The following LMOD3 variants were observed in gnomAD, a reference collection of about 807,000 sequenced individuals.
LMOD3 encodes the protein leiomodin 3, also known as leiomodin-3.
Under a neutral mutation model 41.8 loss-of-function variants are expected in LMOD3, and 31 were observed. The ratio of observed to expected loss-of-function variants is 0.74; its 90% confidence interval spans 0.56 to 1.00. The LOEUF (loss-of-function observed/expected upper bound fraction) is 1.00. Among genes scored for constraint, LMOD3 ranks in the 50% least tolerant of loss-of-function variants. The pLI, the probability that LMOD3 is intolerant of heterozygous loss-of-function variation, is 0.00. For missense variants in LMOD3, 755 were observed against 679.5 expected, an observed-to-expected ratio of 1.11 and a Z score of -1.23; for synonymous variants, 292 against 241.9, an observed-to-expected ratio of 1.21 and a Z score of -1.92.
Position 69,119,724 on chromosome 3 carries a change from T to G in LMOD3, c.631A>C (p.Lys211Gln). 6.2e-7 allele frequency: 1 copy of G among 1,613,974 alleles called. No homozygotes were observed. The highest frequency in any genetic ancestry group is 1.3e-5 in the African/African-American group (1 of 75,064). The change falls in exon 2 of 3, where the codon AAA becomes CAA. Residue 211 changes from lysine (K) to glutamine (Q), a missense_variant. Physicochemically the swap from Lys to Gln is moderately conservative, Grantham distance 53 (BLOSUM62 1). Coordinates refer to ENST00000420581, the MANE Select transcript of LMOD3 (RefSeq NM_198271.5). ...DRPEAQEQSE[K>Q]KISKLDPKKL... ...TTAGGATCTAATTTCGATATTTTTT[T>G]CTCACTTTGTTCTTGGGCCTCTGGT...
chr3:69,118,455 C>A (rs1041002332), intron 2 of LMOD3, among the ~76,000 whole-genome samples: 1 of 152,040 alleles, frequency 6.6e-6, no homozygotes, highest in African/African-American at 2.4e-5. Context: ...AGTAAATGCT[C>A]CCTAAATGTT....
chr3:69,119,790 G>C lies in LMOD3; in HGVS notation c.565C>G (p.Gln189Glu). Residue 189 changes from glutamine (Q) to glutamate (E), a missense_variant, in exon 2 of 3, where the codon CAG becomes GAG. Coordinates refer to ENST00000420581, the MANE Select transcript of LMOD3 (RefSeq NM_198271.5). ...EQIRNCENNC[Q>E]QVTDKAFKEQ... ...TTGAATGCTTTGTCAGTTACCTGCT[G>C]GCAGTTGTTCTCACAATTTCTAATT... is the stretch of plus-strand genomic sequence containing the variant. The C allele has an allele frequency of 6.2e-7, 1 of 1,608,692 alleles. No individual in the cohort carries two copies.
intron 2 of LMOD3, among the ~76,000 whole-genome samples, chr3:69,117,833 G>GTT (rs374336943): frequency 9.2e-4 from 122 of 132,126 alleles, no homozygotes; most frequent in East Asian, 1.8e-3. Flanking sequence ...AATTTGGGTG[G>GTT]TTTTTTTTTT....
At chr3:69,112,780 C>T (rs2092355542) in intron 2 of LMOD3, among the ~76,000 whole-genome samples, 1 of 152,064 alleles carries the variant, frequency 6.6e-6, no homozygotes, top group Non-Finnish European at 1.5e-5. Context: ...ATATTTAGGC[C>T]CCATCCAAGA....
intron 2 of LMOD3, among the ~76,000 whole-genome samples, chr3:69,114,426 A>G (rs2092362329): frequency 6.6e-6 from 1 of 151,742 alleles, no homozygotes; most frequent in Non-Finnish European, 1.5e-5. Context: ...CAAAGCAAGT[A>G]TATGGATTTT....
In LMOD3 at chr3:69,106,435, A is replaced by C. The variant is rs1321472320; in HGVS notation, c.*2660T>G. On this transcript the variant is annotated 3_prime_UTR_variant, in exon 3 of 3. Transcript: ENST00000420581. ...AATAACAGAAAAATGTAACATATAAATGTTGTAAATTATGATTACATTTAA... is the reference window on the plus strand; with the variant it reads ...AATAACAGAAAAATGTAACATATAACTGTTGTAAATTATGATTACATTTAA... Among the ~76,000 whole-genome samples, 1 of 152,222 alleles carries C rather than the reference A, an allele frequency of 6.6e-6. No individual in the cohort carries two copies. Among genetic ancestry groups the C allele is most frequent in the Non-Finnish European group, 1.5e-5 (1 of 68,038 alleles).
At chr3:69,113,249 G>A (rs2092357521) in intron 2 of LMOD3, among the ~76,000 whole-genome samples, 1 of 152,132 alleles carries the variant, frequency 6.6e-6, no homozygotes, top group South Asian at 2.1e-4. Flanking sequence ...CTAAAAATGA[G>A]CAGCTTGGTT....
chr3:69,118,185 G>A (rs1053984376), intron 2 of LMOD3, among the ~76,000 whole-genome samples: 1 of 152,216 alleles, frequency 6.6e-6, no homozygotes, highest in Non-Finnish European at 1.5e-5. Flanking sequence ...CTGAGTGTCA[G>A]CTCCATTGTG....
In LMOD3 at chr3:69,119,907, C is replaced by T. The variant is rs766553118; in HGVS notation, c.448G>A (p.Glu150Lys). The change falls in exon 2 of 3, where the codon GAA becomes AAA. Residue 150 changes from glutamate (E) to lysine (K), a missense_variant. Glu to Lys is a moderately conservative substitution (Grantham distance 56). Transcript: ENST00000420581. ...IQETDEEDEEEEDDDDDDEGE... is the reference protein window; with the variant it reads ...IQETDEEDEEKEDDDDDDEGE... Reference sequence around the variant, plus strand: ...TCGTCGTCATCATCATCATCTTCTTCTTCTTCATCTTCTTCATCTGTTTCT... The same window carrying T: ...TCGTCGTCATCATCATCATCTTCTTTTTCTTCATCTTCTTCATCTGTTTCT... 9 of 1,511,038 alleles carry T rather than the reference C, an allele frequency of 6.0e-6. No individual in the cohort carries two copies. The allele number at this position is 1,511,038 out of a possible 1,614,324, so 93.6% of individuals were successfully genotyped here. A position where few individuals can be genotyped will look rare whatever the true frequency, so the allele number is the denominator to read the frequency against.
intron 2 of LMOD3, among the ~76,000 whole-genome samples, chr3:69,113,873 G>A (rs1475929834): frequency 1.3e-5 from 2 of 152,172 alleles, no homozygotes; most frequent in African/African-American, 2.4e-5. Flanking sequence ...CATTTGTCAG[G>A]GAGGGATAGG....
At position 69,119,890 on chromosome 3, in the gene LMOD3, A is replaced by G. The variant is rs2092399175; in HGVS notation, c.465T>C (p.Asp155=). The stretch of plus-strand genomic sequence containing the variant: ...CACCATCATCTTCTCCTTCGTCGTC[A>G]TCATCATCATCTTCTTCTTCTTCAT... ...EEDEEEEDDD[D]DDEGEDDGEE... is the part of the protein sequence containing the mutation. Residue 155 remains aspartate (D), a synonymous_variant, in exon 2 of 3, where the codon GAT becomes GAC. Transcript: ENST00000420581. The G allele has an allele frequency of 2.0e-6, 3 of 1,513,156 alleles. No individual in the cohort carries two copies. Among genetic ancestry groups the G allele is most frequent in the East Asian group, 2.4e-5 (1 of 41,066 alleles). The allele number at this position is 1,513,156 out of a possible 1,614,324, so 93.7% of individuals were successfully genotyped here. A position where few individuals can be genotyped will look rare whatever the true frequency, so the allele number is the denominator to read the frequency against.
chr3:69,119,023 C>A lies in LMOD3; in HGVS notation c.1332G>T (p.Gln444His), dbSNP rs765589286. ...GAGGTGGCGGTGGCTGGAAGAATTC[C>A]TGCATTCTGGAATCTGGCTTGGGTC... ...LGGPKPDSRMQEFFQPPPPRP... is the reference protein window; with the variant it reads ...LGGPKPDSRMHEFFQPPPPRP... Residue 444 changes from glutamine to histidine, a missense_variant, in exon 2 of 3, where the codon CAG (glutamine) becomes CAT (histidine). Gln to His is a conservative substitution (Grantham distance 24). Transcript: ENST00000420581. 1 of 1,613,596 alleles carries A rather than the reference C, an allele frequency of 6.2e-7. No individual in the cohort carries two copies. The highest frequency in any genetic ancestry group is 8.5e-7 in the Non-Finnish European group (1 of 1,179,810).
At position 69,119,522 on chromosome 3, in the gene LMOD3, A is replaced by C. The variant is rs1240551051; in HGVS notation, c.833T>G (p.Met278Arg). 2 of 1,613,768 alleles carry C rather than the reference A, an allele frequency of 1.2e-6. No homozygotes were observed. Among genetic ancestry groups the C allele is most frequent in the African/African-American group, 2.7e-5 (2 of 74,886 alleles). Residue 278 changes from methionine (M) to arginine (R), a missense_variant, in exon 2 of 3, where the codon ATG becomes AGG. Physicochemically the swap from Met to Arg is moderately conservative, Grantham distance 91. Coordinates refer to ENST00000420581, the MANE Select transcript of LMOD3 (RefSeq NM_198271.5). ...TGTTTTGATGTGCTTGTTTTTCTTC[A>C]TTGCATTGACAAAGTCCAGTAACAT... ...KEMLLDFVNAMKKNKHIKTFS... is the reference protein window; with the variant it reads ...KEMLLDFVNARKKNKHIKTFS...
intron 2 of LMOD3, among the ~76,000 whole-genome samples, chr3:69,114,458 C>G (rs1334613048): frequency 6.6e-6 from 1 of 152,078 alleles, no homozygotes; most frequent in Non-Finnish European, 1.5e-5. Flanking sequence ...TTGCCAGCAA[C>G]TTCATTTCAG....
At chr3:69,110,853 A>AAAAAAT (rs1458630453) in intron 2 of LMOD3, among the ~76,000 whole-genome samples, 42 of 104,120 alleles carry the variant, frequency 4.0e-4, no homozygotes, top group Non-Finnish European at 5.3e-4. Flanking sequence ...AAAAAAAAAA[A>AAAAAAT]ATATATATAT....
chr3:69,115,821 C>T (rs1311803540), intron 2 of LMOD3, among the ~76,000 whole-genome samples: 1 of 152,110 alleles, frequency 6.6e-6, no homozygotes, highest in Non-Finnish European at 1.5e-5. Flanking sequence ...TGGGACATTT[C>T]AACAGCTCTG....
rs2092331416 is a variant in LMOD3 at position 69,108,177 on chromosome 3, C to T, written c.*918G>A. 1 of 152,022 alleles carries T rather than the reference C, an allele frequency of 6.6e-6. No homozygotes were observed. Among genetic ancestry groups the T allele is most frequent in the African/African-American group, 2.4e-5 (1 of 41,376 alleles). The allele number at this position is 152,022 out of a possible 1,614,324, so 9.4% of individuals were successfully genotyped here. On this transcript the variant is annotated 3_prime_UTR_variant, in exon 3 of 3. Transcript: ENST00000420581. ...TTAATCCTTCCTGTAAGCAAGTTTC[C>T]TTTAAAATATGTTTGAGAGTGATAA...
At chr3:69,116,460 C>T (rs1318231815) in intron 2 of LMOD3, among the ~76,000 whole-genome samples, 1 of 152,178 alleles carries the variant, frequency 6.6e-6, no homozygotes, top group Non-Finnish European at 1.5e-5. Flanking sequence ...CACTTTGCGG[C>T]ATGTTTTTCT....
chr3:69,110,860 A>G (rs1490904146), intron 2 of LMOD3, among the ~76,000 whole-genome samples: 2 of 133,370 alleles, frequency 1.5e-5, no homozygotes, highest in African/African-American at 3.0e-5. Context: ...AAAAATATAT[A>G]TATATATATA....
Sources: gnomAD v4.1 joint callset for allele counts (sites outside exome capture counted in the v4.1 genomes callset) on GRCh38, gnomAD v4.1.1 for gene constraint, MANE v1.5 for transcripts, NCBI Gene and HGNC (gene_info 2026-07-23, HGNC 2026-07-21) for gene names.